KIAA0513: variants seen among roughly 807,000 people sequenced by gnomAD.
KIAA0513 encodes the protein KIAA0513.
In KIAA0513, 39 loss-of-function variants were observed where a neutral mutation model predicts 56.5. The ratio of observed to expected loss-of-function variants is 0.69; its 90% CI spans 0.53 to 0.90. The LOEUF (loss-of-function observed/expected upper bound fraction) is 0.90. KIAA0513 is among the 40% of genes least tolerant of loss of function. The pLI, the probability that KIAA0513 is intolerant of heterozygous loss-of-function variation, is 0.00. For missense variants in KIAA0513, 591 were observed against 535.2 expected (o/e 1.10, Z -1.03); for synonymous variants, 268 against 215.6 (o/e 1.24, Z -2.13).
At chr16:85,038,884 GA>G (rs1439817543) in intron 1 of KIAA0513, among the ~76,000 whole-genome samples, 1 of 152,204 alleles carries the variant, frequency 6.6e-6, no homozygotes, top group Non-Finnish European at 1.5e-5. Context: ...GTCACAGCTT[GA>G]ACGAGCCACA....
intron 1 of KIAA0513, among the ~76,000 whole-genome samples, chr16:85,031,874 G>T (rs2072969558): frequency 6.6e-6 from 1 of 152,170 alleles, no homozygotes; most frequent in East Asian, 1.9e-4. Context: ...AAATGACCTT[G>T]TTTAATGGAG....
intron 1 of KIAA0513, among the ~76,000 whole-genome samples, chr16:85,057,562 T>C (rs1367533292): frequency 2.6e-5 from 4 of 152,160 alleles, no homozygotes; most frequent in Non-Finnish European, 5.9e-5. Context: ...ACATCTCTTA[T>C]GGGCCTGACC....
chr16:85,061,351 C>T (rs891562133), intron 1 of KIAA0513, among the ~76,000 whole-genome samples: 4 of 152,140 alleles, frequency 2.6e-5, no homozygotes, highest in African/African-American at 7.2e-5. Context: ...GTGAGGATGA[C>T]GTGGGGATCA....
At chr16:85,064,276 G>A (rs926623547) in intron 1 of KIAA0513, among the ~76,000 whole-genome samples, 24 of 152,112 alleles carry the variant, frequency 1.6e-4, no homozygotes, top group African/African-American at 5.8e-4. Context: ...AAAGTGTTGG[G>A]ATTACGGGAG....
At chr16:85,075,784 G>T in intron 4 of KIAA0513, 60 bp from the exon 5 acceptor site, 1 of 1,488,840 alleles carries the variant, frequency 6.7e-7, no homozygotes, top group South Asian at 1.1e-5. Flanking sequence ...ATGTCTGACC[G>T]ACTTGCAGGA....
At chr16:85,088,157 G>A (rs1391880420) in intron 12 of KIAA0513, 119 bp from the exon 13 acceptor site, 5 of 871,806 alleles carry the variant, frequency 5.7e-6, no homozygotes, top group Non-Finnish European at 9.4e-6. Context: ...GTGTGGTTCA[G>A]GAGCTGCAGC....
At chr16:85,072,024 T>C in intron 3 of KIAA0513, 142 bp downstream of exon 3, 1 of 627,608 alleles carries the variant, frequency 1.6e-6, no homozygotes, top group South Asian at 2.0e-5. Context: ...AAAGTAAAAC[T>C]TATCCAAAAA....
intron 1 of KIAA0513, among the ~76,000 whole-genome samples, chr16:85,041,277 G>A (rs1267651240): frequency 6.6e-6 from 1 of 152,104 alleles, no homozygotes; most frequent in Non-Finnish European, 1.5e-5. Flanking sequence ...GTCACTTCGC[G>A]CCAACTGTTT....
chr16:85,078,328 C>T, intron 6 of KIAA0513, 87 bp from the exon 7 acceptor site: 1 of 1,436,212 alleles, frequency 7.0e-7, no homozygotes, highest in South Asian at 1.2e-5. Flanking sequence ...GTACCCAGTC[C>T]CACCTTAGAA....
intron 1 of KIAA0513, among the ~76,000 whole-genome samples, chr16:85,043,498 G>T (rs903470541): frequency 1.4e-5 from 2 of 141,998 alleles, no homozygotes; most frequent in African/African-American, 2.7e-5. Context: ...TGCAACCTCT[G>T]CCTCCTGGGT....
intron 1 of KIAA0513, among the ~76,000 whole-genome samples, chr16:85,063,956 C>G (rs770805359): frequency 3.3e-5 from 5 of 151,350 alleles, no homozygotes; most frequent in Non-Finnish European, 5.9e-5. Flanking sequence ...CTGATCACTA[C>G]TGCAACTTTT....
chr16:85,068,854 A>T (rs2073530014), intron 2 of KIAA0513, among the ~76,000 whole-genome samples: 1 of 152,154 alleles, frequency 6.6e-6, no homozygotes, highest in South Asian at 2.1e-4. Context: ...GTTGCTAAAC[A>T]CAAGGGGCAC....
chr16:85,073,111 C>T, intron 4 of KIAA0513, 113 bp downstream of exon 4: 1 of 882,014 alleles, frequency 1.1e-6, no homozygotes, highest in Non-Finnish European at 1.9e-6. Context: ...CCACACTAGT[C>T]ATCAGGTTGC....
chr16:85,073,030 C>T (rs1229792606), intron 4 of KIAA0513, 32 bp downstream of exon 4: 1 of 1,577,054 alleles, frequency 6.3e-7, no homozygotes, highest in East Asian at 2.2e-5. Flanking sequence ...AGCCTTTGTC[C>T]TGGCAAGCTC....
chr16:85,055,893 C>T (rs917562972), intron 1 of KIAA0513, among the ~76,000 whole-genome samples: 1 of 152,200 alleles, frequency 6.6e-6, no homozygotes, highest in African/African-American at 2.4e-5. Context: ...CGTGGGCTCT[C>T]GGGCCCACTC....
Position 85,084,135 on chromosome 16 carries a change from C to G in KIAA0513, c.1010+1542C>G, listed in dbSNP as rs9806844. Reference sequence around the variant, plus strand: ...GGAGTGCAGTGGCACAATCTCAGCTCACTGCAACCTCCATCTCCTGGGTTC... The same window carrying G: ...GGAGTGCAGTGGCACAATCTCAGCTGACTGCAACCTCCATCTCCTGGGTTC... On this transcript the variant is annotated intron_variant, in intron 10 of 12. Coordinates refer to ENST00000683363, the MANE Select transcript of KIAA0513 (RefSeq NM_001388359.1). 8.2e-3 allele frequency among the ~76,000 whole-genome samples: 1,222 copies of G among 148,892 alleles called. 19 individuals carry two copies. Among genetic ancestry groups the G allele is most frequent in the African/African-American group, 0.028 (1,150 of 40,374 alleles).
intron 1 of KIAA0513, among the ~76,000 whole-genome samples, chr16:85,034,775 C>G (rs1418368212): frequency 6.6e-6 from 1 of 152,180 alleles, no homozygotes; most frequent in East Asian, 1.9e-4. Flanking sequence ...GCCAAGGTTA[C>G]CGTCCCCATT....
At position 85,078,954 on chromosome 16, in the gene KIAA0513, A is replaced by T; in HGVS notation, c.853A>T (p.Lys285Ter). 1 of 1,614,140 alleles carries T rather than the reference A, an allele frequency of 6.2e-7. No homozygotes were observed. The highest frequency in any genetic ancestry group is 8.5e-7 in the Non-Finnish European group (1 of 1,180,026). Residue 285 changes from lysine (K) to a stop codon, truncating the protein, a stop_gained, in exon 8 of 13, where the codon AAG becomes TAG. Coordinates refer to ENST00000683363, the MANE Select transcript of KIAA0513 (RefSeq NM_001388359.1). LOFTEE classifies it high-confidence loss of function. ...CGCGTACAGCCCCGAGGACGAAAAG[A>T]AGGGGGAGAAGATCTACCTGTACAC... ...VTAYSPEDEK[K>*]GEKIYLYTHL...
intron 4 of KIAA0513, among the ~76,000 whole-genome samples, chr16:85,074,363 C>CACATAT (rs56032714): frequency 6.6e-6 from 1 of 150,712 alleles, no homozygotes; most frequent in Non-Finnish European, 1.5e-5. Context: ...CACACACACA[C>CACATAT]ATATATATTT....
Sources: allele counts gnomAD v4.1 joint callset (sites outside exome capture counted in the v4.1 genomes callset), GRCh38; gene constraint gnomAD v4.1.1; transcripts MANE v1.5; gene names NCBI Gene and HGNC (gene_info 2026-07-23, HGNC 2026-07-21).